TANGO6: variants seen among roughly 807,000 people sequenced by gnomAD.
TANGO6 encodes the protein transport and golgi organization 6 homolog, also known as transport and Golgi organization protein 6 homolog.
TANGO6 carries 90 observed loss-of-function variants against 114.2 expected under a neutral mutation model. That is an observed-to-expected ratio of 0.79 (90% CI 0.66 to 0.94). The LOEUF is 0.94. TANGO6 is among the 40% of genes least tolerant of loss of function. The probability of loss-of-function intolerance (pLI) is 0.00; values close to 1 mark genes in which losing one functional copy is unlikely to be tolerated. For missense variants in TANGO6, 1,274 were observed against 1,315.3 expected, an observed-to-expected ratio of 0.97 and a Z score of 0.49; for synonymous variants, 477 against 509.8, an observed-to-expected ratio of 0.94 and a Z score of 0.87.
At chr16:68,898,663 C>T (rs952543590) in intron 7 of TANGO6, among the ~76,000 whole-genome samples, 8 of 152,090 alleles carry the variant, frequency 5.3e-5, no homozygotes, top group Middle Eastern at 3.4e-3. Context: ...AAATAGGGCT[C>T]CTAGTAGTGA....
intron 15 of TANGO6, among the ~76,000 whole-genome samples, chr16:69,000,967 C>T (rs1186328903): frequency 6.6e-6 from 1 of 152,172 alleles, no homozygotes; most frequent in East Asian, 1.9e-4. Context: ...CCTTCTACAA[C>T]TTGTTTAAGC....
intron 14 of TANGO6, among the ~76,000 whole-genome samples, chr16:68,972,647 C>A (rs2152212572): frequency 6.6e-6 from 1 of 152,208 alleles, no homozygotes; most frequent in East Asian, 1.9e-4. Flanking sequence ...ATTGGGGATA[C>A]AGCAGGGAAC....
chr16:68,965,928 T>C (rs910078840), intron 14 of TANGO6, among the ~76,000 whole-genome samples: 1 of 152,152 alleles, frequency 6.6e-6, no homozygotes, highest in Non-Finnish European at 1.5e-5. Context: ...ATACCATTGA[T>C]CCACTTAAAG....
At chr16:68,859,159 G>GT (rs944474009) in intron 1 of TANGO6, among the ~76,000 whole-genome samples, 4 of 152,034 alleles carry the variant, frequency 2.6e-5, no homozygotes, top group Non-Finnish European at 4.4e-5. Context: ...CCTTTGTTCT[G>GT]TTTTTTTGTT....
chr16:68,922,049 A>T (rs1963100678), intron 12 of TANGO6, among the ~76,000 whole-genome samples: 1 of 152,138 alleles, frequency 6.6e-6, no homozygotes, highest in African/African-American at 2.4e-5. Flanking sequence ...GGCTAACAAT[A>T]TACTGTTTTT....
intron 1 of TANGO6, among the ~76,000 whole-genome samples, chr16:68,845,919 C>G (rs1283036859): frequency 6.6e-6 from 1 of 151,954 alleles, no homozygotes; most frequent in African/African-American, 2.4e-5. Context: ...GTGGCATGAT[C>G]TTGACACACC....
intron 7 of TANGO6, among the ~76,000 whole-genome samples, chr16:68,882,421 T>C (rs867041351): frequency 9.9e-5 from 15 of 150,956 alleles, no homozygotes; most frequent in Admixed American, 3.3e-4. Context: ...GGCGTGAACC[T>C]GGAAGGCAGA....
At chr16:68,907,099 A>ATTTTTTTT (rs546359676) in intron 9 of TANGO6, among the ~76,000 whole-genome samples, 41 of 114,598 alleles carry the variant, frequency 3.6e-4, no homozygotes, top group African/African-American at 5.4e-4. Flanking sequence ...CCAGACCTTG[A>ATTTTTTTT]TTTTTTTTTT....
intron 17 of TANGO6, among the ~76,000 whole-genome samples, chr16:69,056,576 CAAA>C (rs535868428): frequency 7.8e-6 from 1 of 129,020 alleles, no homozygotes; most frequent in Non-Finnish European, 1.7e-5. Flanking sequence ...AGTCCTGCAG[CAAA>C]AAAAAAAAAA....
At chr16:68,884,724 A>G (rs377399962) in intron 7 of TANGO6, among the ~76,000 whole-genome samples, 4 of 152,296 alleles carry the variant, frequency 2.6e-5, no homozygotes, top group Admixed American at 6.5e-5. Context: ...AAAAAAGCAA[A>G]CAGATAATTT....
intron 15 of TANGO6, among the ~76,000 whole-genome samples, chr16:69,010,498 G>A (rs1964134015): frequency 6.6e-6 from 1 of 152,076 alleles, no homozygotes; most frequent in African/African-American, 2.4e-5. Flanking sequence ...GCAGTTACCT[G>A]GTACAGTTGC....
At chr16:69,015,403 G>A (rs992204731) in intron 15 of TANGO6, among the ~76,000 whole-genome samples, 2 of 152,164 alleles carry the variant, frequency 1.3e-5, no homozygotes, top group East Asian at 1.9e-4. Flanking sequence ...TGGCTTCTTG[G>A]GTTCTCAGAT....
intron 15 of TANGO6, among the ~76,000 whole-genome samples, chr16:69,012,685 C>T (rs1964154863): frequency 6.7e-6 from 1 of 149,932 alleles, no homozygotes; most frequent in African/African-American, 2.5e-5. Context: ...GTAATGAATG[C>T]TTTCTGAAAA....
At chr16:68,846,972 C>T (rs7196432) in intron 1 of TANGO6, 2 of 151,318 alleles carry the variant, frequency 1.3e-5, no homozygotes, top group African/African-American at 4.9e-5. Context: ...CTCATTGCCA[C>T]CTCCGCCTCC....
intron 7 of TANGO6, 149 bp from the exon 8 acceptor site, chr16:68,900,285 A>G (rs1356242956): frequency 7.9e-6 from 5 of 635,110 alleles, no homozygotes; most frequent in Non-Finnish European, 5.6e-6. Flanking sequence ...TTTCATTGCC[A>G]TATCTGAGCA....
chr16:68,962,632 A>G (rs1679852811), intron 14 of TANGO6, among the ~76,000 whole-genome samples: 1 of 152,144 alleles, frequency 6.6e-6, no homozygotes, highest in Non-Finnish European at 1.5e-5. Flanking sequence ...ATGGTAGTGC[A>G]TGCCTATAAT....
chr16:68,965,185 A>C (rs1963633441), intron 14 of TANGO6, among the ~76,000 whole-genome samples: 2 of 151,728 alleles, frequency 1.3e-5, no homozygotes, highest in African/African-American at 4.8e-5. Context: ...TTTGAGATGG[A>C]GTCTCGCTCT....
At chr16:68,982,502 G>T (rs924115298) in intron 15 of TANGO6, among the ~76,000 whole-genome samples, 5 of 151,952 alleles carry the variant, frequency 3.3e-5, no homozygotes, top group African/African-American at 1.2e-4. Context: ...GCTAATTTTT[G>T]TATTTTTAGT....
intron 14 of TANGO6, among the ~76,000 whole-genome samples, chr16:68,960,298 T>C (rs1289264268): frequency 1.6e-5 from 2 of 125,970 alleles, no homozygotes; most frequent in African/African-American, 6.9e-5. Flanking sequence ...TTAGGGCAGC[T>C]TTTTTTTTTT....
Sources: allele counts gnomAD v4.1 joint callset (sites outside exome capture counted in the v4.1 genomes callset), GRCh38; gene constraint gnomAD v4.1.1; transcripts MANE v1.5; gene names NCBI Gene and HGNC (gene_info 2026-07-23, HGNC 2026-07-21).